Variants in PHKB observed in about 807,000 individuals in gnomAD.
PHKB encodes phosphorylase kinase regulatory subunit beta.
A neutral mutation model predicts 152.1 loss-of-function variants in PHKB; 122 were observed. The ratio of observed to expected loss-of-function variants is 0.80; its 90% CI spans 0.69 to 0.93. The LOEUF is 0.93. PHKB is among the 40% of genes least tolerant of loss of function. PHKB has a pLI of 0.00. For synonymous variants in PHKB, 436 were observed against 464.9 expected, an observed-to-expected ratio of 0.94 and a Z score of 0.80; for missense variants, 1,304 against 1,328.4, an observed-to-expected ratio of 0.98 and a Z score of 0.29.
chr16:47,463,098 G>A (rs1969604020), intron 1 of PHKB: 1 of 152,542 alleles, frequency 6.6e-6, no homozygotes, highest in Non-Finnish European at 1.5e-5. Context: ...TTTCTTACAG[G>A]GACCTGAGTA....
intron 6 of PHKB, among the ~76,000 whole-genome samples, chr16:47,541,100 A>C (rs1971049548): frequency 1.3e-5 from 2 of 151,740 alleles, no homozygotes; most frequent in East Asian, 1.9e-4. Context: ...ATACCCATTA[A>C]CTCGTCATTT....
In PHKB at chr16:47,689,174, A is replaced by G; in HGVS notation, c.2764A>G (p.Arg922Gly). The change falls in exon 27 of 31, where the codon AGA (arginine) becomes GGA (glycine). Residue 922 changes from arginine (R) to glycine (G), a missense_variant and splice_region_variant. Arg to Gly is a moderately radical substitution (Grantham distance 125). Coordinates refer to ENST00000323584, the MANE Select transcript of PHKB (RefSeq NM_000293.3). ...TATTCTGCAGCCTCAACAGAATGGA[A>G]GGTAATAAGGGCCCCTTGTTACCTA... The part of the protein sequence containing the change: ...LDILQPQQNG[R>G]CWLNRRQIDG... The G allele has an allele frequency of 1.2e-6, 2 of 1,613,892 alleles. No homozygotes were observed.
At chr16:47,509,381 G>A (rs559127440) in intron 4 of PHKB, among the ~76,000 whole-genome samples, 1 of 152,242 alleles carries the variant, frequency 6.6e-6, no homozygotes, top group Non-Finnish European at 1.5e-5. Context: ...ATACTGATAG[G>A]TTCAGACTTT....
At position 47,501,765 on chromosome 16, in the gene PHKB, A is replaced by G. The variant is rs373787620; in HGVS notation, c.306-1226A>G. Among the ~76,000 whole-genome samples, 6 of 152,370 alleles carry G rather than the reference A, an allele frequency of 3.9e-5. No homozygotes were observed. The East Asian group carries it at 7.7e-4, about 20-fold the overall frequency. The stretch of plus-strand genomic sequence containing the variant: ...ATGTTTACAGGAAAATTGCTTTAAC[A>G]AATACAAGAGGATAGGCAGCATATG... On this transcript the variant is annotated intron_variant, in intron 3 of 30. Coordinates refer to ENST00000323584, the MANE Select transcript of PHKB (RefSeq NM_000293.3).
intron 14 of PHKB, among the ~76,000 whole-genome samples, chr16:47,616,031 TTG>T: frequency 6.6e-6 from 1 of 152,312 alleles, no homozygotes; most frequent in South Asian, 2.1e-4. Flanking sequence ...CATTTTTTAA[TTG>T]TTTCTTTTTA....
intron 1 of PHKB, among the ~76,000 whole-genome samples, chr16:47,461,905 A>G (rs1466185979): frequency 6.6e-6 from 1 of 152,218 alleles, no homozygotes; most frequent in African/African-American, 2.4e-5. Context: ...CATTCCCCAC[A>G]GGTTCTAAGC....
chr16:47,692,332 T>C (rs990604772), intron 27 of PHKB, among the ~76,000 whole-genome samples: 2 of 152,210 alleles, frequency 1.3e-5, no homozygotes, highest in African/African-American at 4.8e-5. Context: ...AACGTGTATC[T>C]GGGCTGTGTG....
At chr16:47,592,216 T>G (rs1381790403) in intron 10 of PHKB, among the ~76,000 whole-genome samples, 1 of 152,198 alleles carries the variant, frequency 6.6e-6, no homozygotes, top group African/African-American at 2.4e-5. Context: ...GCCCTACAAC[T>G]CTCTTCGGTA....
chr16:47,674,524 T>C (rs1281322702), intron 26 of PHKB, among the ~76,000 whole-genome samples: 2 of 152,208 alleles, frequency 1.3e-5, no homozygotes, highest in Non-Finnish European at 2.9e-5. Context: ...AGAGCCTCAT[T>C]ATGTTAACCA....
intron 14 of PHKB, among the ~76,000 whole-genome samples, chr16:47,625,771 T>C (rs1226450209): frequency 6.6e-6 from 1 of 152,230 alleles, no homozygotes; most frequent in East Asian, 1.9e-4. Flanking sequence ...TAGAGGACTT[T>C]ATTGTCTTAA....
chr16:47,633,308 C>T (rs183349740), intron 14 of PHKB, among the ~76,000 whole-genome samples: 2 of 151,828 alleles, frequency 1.3e-5, no homozygotes, highest in Admixed American at 1.3e-4. Context: ...ATGTAACCAG[C>T]AATACTAAAA....
At chr16:47,480,988 A>C (rs1044531758) in intron 1 of PHKB, among the ~76,000 whole-genome samples, 9 of 152,168 alleles carry the variant, frequency 5.9e-5, no homozygotes, top group African/African-American at 2.2e-4. Context: ...TATTTATTAG[A>C]AAGTAGATTA....
intron 14 of PHKB, among the ~76,000 whole-genome samples, chr16:47,612,016 A>G (rs1172628400): frequency 6.6e-6 from 1 of 152,158 alleles, no homozygotes; most frequent in Non-Finnish European, 1.5e-5. Context: ...CGTGTTGGGG[A>G]AGGAATAGTT....
At chr16:47,464,764 A>G (rs1411650077) in intron 1 of PHKB, among the ~76,000 whole-genome samples, 1 of 152,228 alleles carries the variant, frequency 6.6e-6, no homozygotes, top group Non-Finnish European at 1.5e-5. Flanking sequence ...TGAAGCATTT[A>G]CAGCCCTTTT....
intron 26 of PHKB, among the ~76,000 whole-genome samples, chr16:47,687,540 T>A (rs964030426): frequency 1.2e-4 from 18 of 152,362 alleles, no homozygotes; most frequent in African/African-American, 4.3e-4. Context: ...TTGTTGTATA[T>A]AACAGGAAGC....
chr16:47,521,229 T>C (rs1312150044), intron 6 of PHKB, among the ~76,000 whole-genome samples: 1 of 152,210 alleles, frequency 6.6e-6, no homozygotes, highest in Non-Finnish European at 1.5e-5. Flanking sequence ...TATGGATAGC[T>C]TTTAAATCTT....
intron 1 of PHKB, among the ~76,000 whole-genome samples, chr16:47,481,826 T>TA (rs1555469639): frequency 6.6e-6 from 1 of 152,216 alleles, no homozygotes; most frequent in Admixed American, 6.5e-5. Flanking sequence ...TACAAAGTGA[T>TA]ACAGCTGTGA....
chr16:47,686,714 C>T (rs1160850525), intron 26 of PHKB, among the ~76,000 whole-genome samples: 1 of 152,090 alleles, frequency 6.6e-6, no homozygotes, highest in East Asian at 1.9e-4. Context: ...ATAAGCAGTG[C>T]TTAGCTATTT....
chr16:47,654,395 G>A (rs1286814095), intron 20 of PHKB, among the ~76,000 whole-genome samples: 1 of 152,044 alleles, frequency 6.6e-6, no homozygotes, highest in African/African-American at 2.4e-5. Context: ...TCGGTGTGGC[G>A]ATTCCTCAAG....
Sources: gnomAD v4.1 joint callset for allele counts (sites outside exome capture counted in the v4.1 genomes callset) on GRCh38, gnomAD v4.1.1 for gene constraint, MANE v1.5 for transcripts, NCBI Gene and HGNC (gene_info 2026-07-23, HGNC 2026-07-21) for gene names.